The following DEAF1 variants were observed in gnomAD, a reference collection of about 807,000 sequenced individuals.
DEAF1 encodes deformed epidermal autoregulatory factor 1 homolog.
In DEAF1, 53 loss-of-function variants were observed where a neutral mutation model predicts 58.9. The ratio of observed to expected loss-of-function variants is 0.90; its 90% CI spans 0.72 to 1.13. DEAF1 has a LOEUF of 1.13. DEAF1 is among the 50% of genes most tolerant of loss of function. The probability of loss-of-function intolerance (pLI) is 0.00; values close to 1 mark genes in which losing one functional copy is unlikely to be tolerated. For missense variants in DEAF1, 685 were observed against 791.4 expected (o/e 0.87, Z 1.61); for synonymous variants, 385 against 340.4 (o/e 1.13, Z -1.44).
At chr11:672,443 C>T (rs11246255) in intron 10 of DEAF1, among the ~76,000 whole-genome samples, 12,392 of 151,748 alleles carry the variant, frequency 0.082, 619 homozygotes, top group Admixed American at 0.17. Context: ...TAACAAACCC[C>T]TAACATTGAA....
chr11:649,159 G>C (rs970331508), intron 11 of DEAF1, among the ~76,000 whole-genome samples: 1 of 152,192 alleles, frequency 6.6e-6, no homozygotes, highest in African/African-American at 2.4e-5. Flanking sequence ...GCTGAGGCAG[G>C]AGAATCGCTT....
At chr11:702,023 TC>T (rs1454886123) in intron 1 of DEAF1, among the ~76,000 whole-genome samples, 8 of 152,206 alleles carry the variant, frequency 5.3e-5, no homozygotes, top group Non-Finnish European at 1.2e-4. Flanking sequence ...AATGGGCACT[TC>T]CAGGGCGCTG....
At chr11:697,023 GT>G (rs763927996), upstream of DEAF1, among the ~76,000 whole-genome samples, 5,585 of 145,208 alleles carry the variant, frequency 0.038, 189 homozygotes, top group East Asian at 0.11. Context: ...GGTGGGGGGG[GT>G]GGGGTGCGGA....
Position 653,892 on chromosome 11 carries a change from A to C in DEAF1, c.1593+70T>G, listed in dbSNP as rs926460162. 9.3e-6 allele frequency: 13 copies of C among 1,402,280 alleles called. No individual in the cohort carries two copies. The African/African-American group carries it at 1.0e-4, about 11-fold the overall frequency. 86.9% of individuals were successfully genotyped at this position (1,402,280 alleles called of 1,614,324 possible). Reference sequence around the variant, plus strand: ...TGGCACCAGGAGCACAAGGGGAGGGAGGGCCACCCAGGGGTCTTCGTAGCG... The same window carrying C: ...TGGCACCAGGAGCACAAGGGGAGGGCGGGCCACCCAGGGGTCTTCGTAGCG... On this transcript the variant is annotated intron_variant, in intron 11 of 11. Transcript: ENST00000382409.
chr11:690,943 G>A (rs1373274925), intron 2 of DEAF1, among the ~76,000 whole-genome samples: 3 of 152,232 alleles, frequency 2.0e-5, no homozygotes, highest in Non-Finnish European at 4.4e-5. Flanking sequence ...GATGTCCCCA[G>A]ATCGCCGAAG....
In DEAF1 at chr11:688,476, G is replaced by A. The variant is rs754837453; in HGVS notation, c.388-16C>T. On this transcript the variant is annotated splice_polypyrimidine_tract_variant and intron_variant, in intron 2 of 11. Transcript: ENST00000382409. The surrounding 1 kb of genome is among the most constrained non-coding windows in gnomAD (Gnocchi z 4.3). ...TCCTACCAGACTAGAAGGAAAAACCGCTCCGTCAGGTCACGTCCGAGAGTG... is the reference window on the plus strand; with the variant it reads ...TCCTACCAGACTAGAAGGAAAAACCACTCCGTCAGGTCACGTCCGAGAGTG... 10 of 1,613,184 alleles carry A rather than the reference G, an allele frequency of 6.2e-6. No individual in the cohort carries two copies. In the East Asian group the frequency reaches 2.0e-4, roughly 32 times the overall value.
rs553500016 is a variant in DEAF1, at chr11:702,926, C to G, written c.-438+3646G>C. The G allele has an allele frequency of 2.5e-6, 4 of 1,596,048 alleles. No individual in the cohort carries two copies. The East Asian group carries it at 9.0e-5, about 36-fold the overall frequency. On this transcript the variant is annotated intron_variant, in intron 1 of 11. Coordinates refer to the DEAF1 transcript ENST00000683307. ...GAGCGCCTCGCACCACCTTCCCTCCCCTTTGCTCTGTTCTCCAGGCACCAG... is the reference window on the plus strand; with the variant it reads ...GAGCGCCTCGCACCACCTTCCCTCCGCTTTGCTCTGTTCTCCAGGCACCAG...
upstream of DEAF1, chr11:700,154 C>T: frequency 6.2e-7 from 1 of 1,614,136 alleles, no homozygotes; most frequent in Non-Finnish European, 8.5e-7. Flanking sequence ...CTCTTCAGTT[C>T]CCCTTCAAAT....
Position 688,157 on chromosome 11 carries a change from A to G in DEAF1, c.518-100T>C. The G allele has an allele frequency of 6.4e-7, 1 of 1,564,142 alleles. No individual in the cohort carries two copies. The highest frequency in any genetic ancestry group is 8.7e-7 in the Non-Finnish European group (1 of 1,146,352). On this transcript the variant is annotated intron_variant, in intron 3 of 11. Transcript: ENST00000382409. The surrounding 1 kb of genome is among the most constrained non-coding windows in gnomAD (Gnocchi z 4.3). ...CCTCCCCGGCAGCGCCACCTCCTTC[A>G]ACGGCGGAAAAACTTCTTGGTCAGG...
chr11:690,555 C>A lies in DEAF1; in HGVS notation c.387+946G>T, dbSNP rs549949909. 2.2e-3 allele frequency among the ~76,000 whole-genome samples: 329 copies of A among 151,996 alleles called. 2 individuals are homozygous for A. Among genetic ancestry groups the A allele is most frequent in the African/African-American group, 6.6e-3 (275 of 41,456 alleles). On this transcript the variant is annotated intron_variant, in intron 2 of 11. Coordinates refer to ENST00000382409, the MANE Select transcript of DEAF1 (RefSeq NM_021008.4). ...CCTGAGGTCAGGAGTTTGAGGCCAG[C>A]CTGGACAACATGGTGACCTGTCTCT... is the stretch of plus-strand genomic sequence containing the variant.
chr11:676,944 T>C (rs1590001632), intron 9 of DEAF1, among the ~76,000 whole-genome samples: 1 of 152,158 alleles, frequency 6.6e-6, no homozygotes, highest in South Asian at 2.1e-4. Context: ...CACGTGCACA[T>C]GAGAACATTT....
At position 654,162 on chromosome 11, in the gene DEAF1, CCCCTTTTTTTT is replaced by C. The variant is rs1158078761; in HGVS notation, c.1504-122_1504-112del. 1.8e-5 allele frequency: 9 copies of C among 501,984 alleles called. No individual in the cohort carries two copies. In the African/African-American group the frequency reaches 4.2e-4, roughly 23 times the overall value. The allele number at this position is 501,984 out of a possible 1,614,324, so 31.1% of individuals were successfully genotyped here. ...AGGCCCCAAGTTCCCCCCATTGGACCCCCTTTTTTTTTTTTTTTTTTTTTGAGATGGAGTCT... is the reference window on the plus strand; with the variant it reads ...AGGCCCCAAGTTCCCCCCATTGGACCTTTTTTTTTTTTTGAGATGGAGTCT... On this transcript the variant is annotated intron_variant, in intron 10 of 11. Coordinates refer to ENST00000382409, the MANE Select transcript of DEAF1 (RefSeq NM_021008.4).
chr11:685,011 T>A (rs1192978801), intron 5 of DEAF1, 48 bp from the exon 6 acceptor site: 1 of 1,426,826 alleles, frequency 7.0e-7, no homozygotes, highest in East Asian at 2.5e-5. Flanking sequence ...AGCCCCTAAA[T>A]GTCAATCATT....
intron 10 of DEAF1, among the ~76,000 whole-genome samples, chr11:655,710 A>T (rs1165570444): frequency 1.3e-5 from 2 of 151,978 alleles, no homozygotes; most frequent in Non-Finnish European, 2.9e-5. Context: ...GATCTTTAAC[A>T]TTTTTCCAGT....
chr11:674,534 A>C lies in DEAF1; in HGVS notation c.1503+2T>G, dbSNP rs1432366693. 8 of 1,613,108 alleles carry C rather than the reference A, an allele frequency of 5.0e-6. No homozygotes were observed. The highest frequency in any genetic ancestry group is 6.8e-6 in the Non-Finnish European group (8 of 1,179,948). ...GTGTCTTCCCATTTGTTCCAAGGTT[A>C]CCTCCTTCCGCTCTGCGTCAGCGTG... On this transcript the variant is annotated splice_donor_variant, in intron 10 of 11. Transcript: ENST00000382409. LOFTEE classifies it high-confidence loss of function.
upstream of DEAF1, chr11:695,591 G>GA (rs1190949639): frequency 5.6e-6 from 7 of 1,241,888 alleles, no homozygotes; most frequent in Admixed American, 2.1e-4. Flanking sequence ...GAGACGAGCC[G>GA]AATGTCCCCG....
At chr11:702,130 G>A (rs1861524663) in intron 1 of DEAF1, among the ~76,000 whole-genome samples, 1 of 152,208 alleles carries the variant, frequency 6.6e-6, no homozygotes, top group Non-Finnish European at 1.5e-5. Context: ...CTGCGGGGAA[G>A]GGTGGCCCCC....
At chr11:659,736 T>C (rs949309560) in intron 10 of DEAF1, among the ~76,000 whole-genome samples, 6 of 152,172 alleles carry the variant, frequency 3.9e-5, no homozygotes, top group South Asian at 2.1e-4. Flanking sequence ...AGAGGCTCCT[T>C]TCCCGGCACT....
intron 1 of DEAF1, chr11:704,481 T>G: frequency 7.8e-7 from 1 of 1,289,264 alleles, no homozygotes; most frequent in Non-Finnish European, 1.0e-6. Flanking sequence ...AGGACCCACT[T>G]CACACACCAG....
Sources: allele counts gnomAD v4.1 joint callset (sites outside exome capture counted in the v4.1 genomes callset), GRCh38; gene constraint gnomAD v4.1.1; non-coding constraint Gnocchi (gnomAD v3.1); transcripts MANE v1.5; gene names NCBI Gene and HGNC (gene_info 2026-07-23, HGNC 2026-07-21).